Variants in FIGN observed in about 807,000 individuals in gnomAD.
The protein encoded by FIGN is fidgetin.
In FIGN, 11 loss-of-function variants were observed where a neutral mutation model predicts 51.3. That is an observed-to-expected ratio of 0.21 (90% CI 0.13 to 0.35). The LOEUF is 0.35. Among genes scored for constraint, FIGN ranks in the 10% least tolerant of loss-of-function variants. The pLI, the probability that FIGN is intolerant of heterozygous loss-of-function variation, is 1.00. For synonymous variants in FIGN, 407 were observed against 363.2 expected, an observed-to-expected ratio of 1.12 and a Z score of -1.37; for missense variants, 857 against 943.6, an observed-to-expected ratio of 0.91 and a Z score of 1.20.
chr2:163,730,129 T>C (rs1299901608), intron 2 of FIGN, among the ~76,000 whole-genome samples: 1 of 152,258 alleles, frequency 6.6e-6, no homozygotes, highest in East Asian at 1.9e-4. Flanking sequence ...GCATACCCCT[T>C]GCTTTTGATT....
intron 2 of FIGN, among the ~76,000 whole-genome samples, chr2:163,703,170 A>G (rs1684437420): frequency 6.6e-6 from 1 of 151,978 alleles, no homozygotes; most frequent in South Asian, 2.1e-4. Flanking sequence ...AAATGGAGGG[A>G]GAGAGAGGTT....
At chr2:163,726,970 C>A (rs1384886054) in intron 2 of FIGN, among the ~76,000 whole-genome samples, 2 of 151,958 alleles carry the variant, frequency 1.3e-5, no homozygotes, top group Admixed American at 6.6e-5. Context: ...CTTAAGGGAA[C>A]CTTTTTTATC....
chr2:163,638,603 T>C lies in FIGN; in HGVS notation c.26-26797A>G, dbSNP rs1292763287. On this transcript the variant is annotated intron_variant, in intron 2 of 2. Coordinates refer to ENST00000333129, the MANE Select transcript of FIGN (RefSeq NM_018086.4). ...CACAAGCAAAAGGAAGAAATATCAA[T>C]TCCATTTGTTTGGAAGATGAACATT... Among the ~76,000 whole-genome samples the C allele has an allele frequency of 2.0e-5, 3 of 152,168 alleles. No individual in the cohort carries two copies. In the South Asian group the frequency reaches 6.2e-4, roughly 32 times the overall value.
chr2:163,705,985 G>T (rs114641407), intron 2 of FIGN, among the ~76,000 whole-genome samples: 14 of 152,210 alleles, frequency 9.2e-5, no homozygotes, highest in African/African-American at 2.6e-4. Context: ...AGAAAACCTT[G>T]CTGAAACCTT....
At chr2:163,643,636 G>A (rs1683337454) in intron 2 of FIGN, among the ~76,000 whole-genome samples, 1 of 147,716 alleles carries the variant, frequency 6.8e-6, no homozygotes, top group Non-Finnish European at 1.5e-5. Context: ...GGGCGACAGA[G>A]CTAGACTCAG....
rs75642338 is a variant in FIGN at position 163,631,060 on chromosome 2, G to A, written c.26-19254C>T. ...TGAGTTTACGAGTTGAGCTCTTAAC[G>A]GCAGGAGAGTTATTCTAGGAGGGCA... On this transcript the variant is annotated intron_variant, in intron 2 of 2. Coordinates refer to ENST00000333129, the MANE Select transcript of FIGN (RefSeq NM_018086.4). 5.8e-3 allele frequency among the ~76,000 whole-genome samples: 887 copies of A among 152,216 alleles called. 9 individuals are homozygous for A. Among genetic ancestry groups the A allele is most frequent in the African/African-American group, 0.02 (842 of 41,510 alleles).
At chr2:163,655,165 C>T (rs1176883118) in intron 2 of FIGN, among the ~76,000 whole-genome samples, 1 of 151,924 alleles carries the variant, frequency 6.6e-6, no homozygotes, top group Non-Finnish European at 1.5e-5. Context: ...CCATGACCTT[C>T]TTTGAAGTTG....
At chr2:163,629,397 A>G (rs1300222855) in intron 2 of FIGN, among the ~76,000 whole-genome samples, 1 of 152,150 alleles carries the variant, frequency 6.6e-6, no homozygotes, top group East Asian at 1.9e-4. Flanking sequence ...ATCAGACGTC[A>G]TGGTGAGTTG....
chr2:163,660,809 A>G lies in FIGN; in HGVS notation c.26-49003T>C, dbSNP rs1203434606. Reference sequence around the variant, plus strand: ...TATATATGTATATAGATATACATATATATACATATACATATATATGTATAC... The same window carrying G: ...TATATATGTATATAGATATACATATGTATACATATACATATATATGTATAC... On this transcript the variant is annotated intron_variant, in intron 2 of 2. Coordinates refer to ENST00000333129, the MANE Select transcript of FIGN (RefSeq NM_018086.4). Among the ~76,000 whole-genome samples, 51 of 81,928 alleles carry G rather than the reference A, an allele frequency of 6.2e-4. 16 individuals are homozygous for G. Among genetic ancestry groups the G allele is most frequent in the South Asian group, 8.5e-4 (2 of 2,360 alleles). The allele number at this position is 81,928 out of a possible 152,430, so 53.7% of individuals were successfully genotyped here.
chr2:163,631,222 C>G (rs1486840923), intron 2 of FIGN, among the ~76,000 whole-genome samples: 1 of 152,110 alleles, frequency 6.6e-6, no homozygotes, highest in Non-Finnish European at 1.5e-5. Flanking sequence ...ATTCTTAAGA[C>G]TGTTATGGAT....
intron 2 of FIGN, among the ~76,000 whole-genome samples, chr2:163,731,725 A>T (rs1684932843): frequency 6.6e-6 from 1 of 152,082 alleles, no homozygotes; most frequent in African/African-American, 2.4e-5. Flanking sequence ...AAAAAAAAAA[A>T]AGATGTTTCT....
In FIGN at chr2:163,604,684, A is replaced by C. The variant is rs1691045500; in HGVS notation, c.*4868T>G. On this transcript the variant is annotated 3_prime_UTR_variant, in exon 3 of 3. Coordinates refer to ENST00000333129, the MANE Select transcript of FIGN (RefSeq NM_018086.4). ...TGGTTATAAAGAACAATGTTTGAAT[A>C]TACATCAGATGAAAAAAGAAAAAAA... is the stretch of plus-strand genomic sequence containing the variant. The C allele has an allele frequency of 6.6e-6, 1 of 152,000 alleles. No homozygotes were observed. Among genetic ancestry groups the C allele is most frequent in the Non-Finnish European group, 1.5e-5 (1 of 67,970 alleles). The allele number at this position is 152,000 out of a possible 1,614,324, so 9.4% of individuals were successfully genotyped here.
At chr2:163,699,677 G>T (rs896353936) in intron 2 of FIGN, among the ~76,000 whole-genome samples, 1 of 152,078 alleles carries the variant, frequency 6.6e-6, no homozygotes, top group Non-Finnish European at 1.5e-5. Flanking sequence ...GAAACTTAAG[G>T]TTCAATTAAA....
chr2:163,650,295 T>C (rs1380125928), intron 2 of FIGN, among the ~76,000 whole-genome samples: 1 of 151,720 alleles, frequency 6.6e-6, no homozygotes, highest in African/African-American at 2.4e-5. Context: ...TCCCAAATGC[T>C]ACATATATTA....
At chr2:163,688,262 C>G (rs1464403639) in intron 2 of FIGN, among the ~76,000 whole-genome samples, 6 of 152,128 alleles carry the variant, frequency 3.9e-5, no homozygotes, top group African/African-American at 7.2e-5. Context: ...CTATCGTGTG[C>G]TCAGAATGTG....
chr2:163,647,879 T>G (rs1387519246), intron 2 of FIGN, among the ~76,000 whole-genome samples: 3 of 152,032 alleles, frequency 2.0e-5, no homozygotes, highest in African/African-American at 7.2e-5. Context: ...GCGAAAGAGA[T>G]ATGTAGAGAG....
chr2:163,649,973 G>A (rs936639327), intron 2 of FIGN, among the ~76,000 whole-genome samples: 1 of 152,164 alleles, frequency 6.6e-6, no homozygotes, highest in Admixed American at 6.5e-5. Flanking sequence ...GCCAGGAAGT[G>A]GAAGAGCCAG....
chr2:163,696,891 G>A (rs967323385), intron 2 of FIGN, among the ~76,000 whole-genome samples: 4 of 147,866 alleles, frequency 2.7e-5, no homozygotes, highest in African/African-American at 1.0e-4. Flanking sequence ...GGCTGGTCTC[G>A]AACTCCTGGG....
intron 2 of FIGN, among the ~76,000 whole-genome samples, chr2:163,730,530 G>A (rs565000964): frequency 1.3e-5 from 2 of 151,934 alleles, no homozygotes; most frequent in Non-Finnish European, 2.9e-5. Flanking sequence ...GTGTGTGTGT[G>A]TGTGTGTGAA....
Sources: gnomAD v4.1 joint callset for allele counts (sites outside exome capture counted in the v4.1 genomes callset) on GRCh38, gnomAD v4.1.1 for gene constraint, MANE v1.5 for transcripts, NCBI Gene and HGNC (gene_info 2026-07-23, HGNC 2026-07-21) for gene names.